Variants in SLC66A3 observed in about 807,000 individuals in gnomAD.
The protein encoded by SLC66A3 is solute carrier family 66 member 3, also known as PQ loop repeat containing 3.
In SLC66A3, 23 loss-of-function variants were observed where a neutral mutation model predicts 25.5. That is an observed-to-expected ratio of 0.90 (90% confidence interval 0.65 to 1.28). The LOEUF (loss-of-function observed/expected upper bound fraction) is 1.28. Among genes scored for constraint, SLC66A3 ranks in the 50% most tolerant of loss-of-function variants. The pLI is 0.00. For synonymous variants in SLC66A3, 108 were observed against 112.6 expected, an observed-to-expected ratio of 0.96 and a Z score of 0.26; for missense variants, 246 against 262.1, an observed-to-expected ratio of 0.94 and a Z score of 0.42.
chr2:11,172,788 C>T (rs1304519645), intron 5 of SLC66A3: 10 of 434,836 alleles, frequency 2.3e-5, no homozygotes, highest in Admixed American at 7.3e-5. Context: ...TGCAGTGATA[C>T]GATCTTCACT....
At chr2:11,163,538 G>C (rs557608573) in intron 3 of SLC66A3, among the ~76,000 whole-genome samples, 1 of 152,162 alleles carries the variant, frequency 6.6e-6, no homozygotes, top group Non-Finnish European at 1.5e-5. Context: ...TCGGTGCTAC[G>C]TGCTTGTAGG....
chr2:11,175,698 C>G (rs967361427), intron 6 of SLC66A3, among the ~76,000 whole-genome samples: 1 of 152,156 alleles, frequency 6.6e-6, no homozygotes, highest in African/African-American at 2.4e-5. Flanking sequence ...AAAGAAAAAG[C>G]TGTCATGGAG....
rs11694255 is a variant in SLC66A3 at position 11,158,173 on chromosome 2, C to T, written c.144-2293C>T. Reference sequence around the variant, plus strand: ...AACAAATGGGGCTGTGTCAGATGCCCGGCTGGCATGATTTTATTATGATAA... The same window carrying T: ...AACAAATGGGGCTGTGTCAGATGCCTGGCTGGCATGATTTTATTATGATAA... On this transcript the variant is annotated intron_variant, in intron 1 of 6. Transcript: ENST00000295083. 9.9e-3 allele frequency among the ~76,000 whole-genome samples: 1,513 copies of T among 152,272 alleles called. 15 individuals carry two copies. The highest frequency in any genetic ancestry group is 0.015 in the Non-Finnish European group (1,008 of 68,022).
At position 11,176,060 on chromosome 2, in the gene SLC66A3, C is replaced by G. The variant is rs149949462; in HGVS notation, c.517+1051C>G. Among the ~76,000 whole-genome samples the G allele has an allele frequency of 3.6e-3, 546 of 152,298 alleles. 3 individuals are homozygous for G. The highest frequency in any genetic ancestry group is 0.011 in the African/African-American group (478 of 41,566). On this transcript the variant is annotated intron_variant, in intron 6 of 6. Transcript: ENST00000295083. ...GACAGGCTTGGGTCTTTCCACAGGA[C>G]TTGAATTCTCAGCATGGAAAGGAAA... is the stretch of plus-strand genomic sequence containing the variant.
At chr2:11,156,061 A>C (rs1282601437) in intron 1 of SLC66A3, among the ~76,000 whole-genome samples, 1 of 152,162 alleles carries the variant, frequency 6.6e-6, no homozygotes, top group Non-Finnish European at 1.5e-5. Flanking sequence ...CTCACCACGC[A>C]CCGTCAACCT....
rs1662088445 is a variant in SLC66A3 at position 11,160,657 on chromosome 2, A to G, written c.259A>G (p.Asn87Asp). The G allele has an allele frequency of 1.9e-6, 3 of 1,613,956 alleles. No homozygotes were observed. Among genetic ancestry groups the G allele is most frequent in the Non-Finnish European group, 2.5e-6 (3 of 1,180,028 alleles). Residue 87 changes from asparagine (N) to aspartate (D), a missense_variant, in exon 3 of 7, where the codon AAC becomes GAC. By Grantham distance (23) the Asn-to-Asp change is conservative (BLOSUM62 1). Coordinates refer to ENST00000295083, the MANE Select transcript of SLC66A3 (RefSeq NM_152391.5). Reference sequence around the variant, plus strand: ...CCTCCTGCTCTGTATCTTTCATTTTAACGGGAACGTGAAGCAGGCCACTCC... The same window carrying G: ...CCTCCTGCTCTGTATCTTTCATTTTGACGGGAACGTGAAGCAGGCCACTCC... The part of the protein sequence containing the change: ...VILLLCIFHF[N>D]GNVKQATPYI...
intron 5 of SLC66A3, 21 bp from the exon 6 acceptor site, chr2:11,174,947 G>C: frequency 6.2e-7 from 1 of 1,603,480 alleles, no homozygotes; most frequent in Non-Finnish European, 8.5e-7. Flanking sequence ...GTTACTTATT[G>C]CTGCAAGTTT....
intron 4 of SLC66A3, among the ~76,000 whole-genome samples, chr2:11,169,460 CTCT>C (rs1297791435): frequency 1.3e-5 from 2 of 152,142 alleles, no homozygotes; most frequent in African/African-American, 2.4e-5. Flanking sequence ...GTTCTCATTC[CTCT>C]TCTTCATTCA....
intron 3 of SLC66A3, among the ~76,000 whole-genome samples, chr2:11,161,869 C>G (rs377412822): frequency 6.6e-6 from 1 of 152,206 alleles, no homozygotes; most frequent in African/African-American, 2.4e-5. Flanking sequence ...CCTGCCACAT[C>G]TGTGAAATGG....
At chr2:11,172,457 G>A (rs1315908323) in intron 5 of SLC66A3, among the ~76,000 whole-genome samples, 1 of 152,102 alleles carries the variant, frequency 6.6e-6, no homozygotes. Flanking sequence ...GGAGATTTTC[G>A]GCAGCCACAT....
At chr2:11,175,546 G>C (rs1005508612) in intron 6 of SLC66A3, among the ~76,000 whole-genome samples, 1 of 152,230 alleles carries the variant, frequency 6.6e-6, no homozygotes, top group African/African-American at 2.4e-5. Context: ...GCGGGTTTCA[G>C]GAGAGGAAGG....
chr2:11,175,022 T>C lies in SLC66A3; in HGVS notation c.517+13T>C, dbSNP rs1182828659. 6.3e-7 allele frequency: 1 copy of C among 1,589,278 alleles called. No individual in the cohort carries two copies. The highest frequency in any genetic ancestry group is 1.1e-5 in the South Asian group (1 of 87,546). On this transcript the variant is annotated intron_variant, in intron 6 of 6. Transcript: ENST00000295083. Reference sequence around the variant, plus strand: ...AATGATTTTACAAGTAAGCAAAATATCTTCTCACTTCCTTTTTGAGTTTTG... The same window carrying C: ...AATGATTTTACAAGTAAGCAAAATACCTTCTCACTTCCTTTTTGAGTTTTG...
Position 11,177,872 on chromosome 2 carries a change from C to A in SLC66A3, c.*44C>A, listed in dbSNP as rs1405602645. ...ACACAGTGGATTTTGAGTAACTGAA[C>A]CAAAGGAAAAAGAAGCTCTTTGCTA... On this transcript the variant is annotated 3_prime_UTR_variant, in exon 7 of 7. Transcript: ENST00000295083. 1.7e-6 allele frequency: 2 copies of A among 1,171,832 alleles called. No homozygotes were observed. Among genetic ancestry groups the A allele is most frequent in the Non-Finnish European group, 2.5e-6 (2 of 806,080 alleles). 72.6% of individuals were successfully genotyped at this position (1,171,832 alleles called of 1,614,324 possible). A position where few individuals can be genotyped will look rare whatever the true frequency, so the allele number is the denominator to read the frequency against.
Position 11,160,675 on chromosome 2 carries a change from G to T in SLC66A3, c.277G>T (p.Ala93Ser). 1 of 1,614,108 alleles carries T rather than the reference G, an allele frequency of 6.2e-7. No homozygotes were observed. Among genetic ancestry groups the T allele is most frequent in the Non-Finnish European group, 8.5e-7 (1 of 1,180,002 alleles). ...IFHFNGNVKQ[A>S]TPYIAVLVSS... ...TCATTTTAACGGGAACGTGAAGCAGGCCACTCCTTACATCGCTGTGTATCC... is the reference window on the plus strand; with the variant it reads ...TCATTTTAACGGGAACGTGAAGCAGTCCACTCCTTACATCGCTGTGTATCC... The change falls in exon 3 of 7, where the codon GCC becomes TCC. Residue 93 changes from alanine to serine, a missense_variant. Physicochemically the swap from Ala to Ser is moderately conservative, Grantham distance 99 (BLOSUM62 1). Coordinates refer to ENST00000295083, the MANE Select transcript of SLC66A3 (RefSeq NM_152391.5).
intron 1 of SLC66A3, among the ~76,000 whole-genome samples, chr2:11,157,393 G>A (rs1041835370): frequency 3.3e-5 from 5 of 152,212 alleles, no homozygotes; most frequent in Non-Finnish European, 7.3e-5. Context: ...TCCAAGCCAG[G>A]GCCAGGGCCA....
In SLC66A3 at chr2:11,155,520, C is replaced by A. The variant is rs534131759; in HGVS notation, c.-27C>A. 1 of 1,480,220 alleles carries A rather than the reference C, an allele frequency of 6.8e-7. No individual in the cohort carries two copies. Among genetic ancestry groups the A allele is most frequent in the Non-Finnish European group, 8.9e-7 (1 of 1,124,096 alleles). The allele number at this position is 1,480,220 out of a possible 1,614,324, so 91.7% of individuals were successfully genotyped here. On this transcript the variant is annotated 5_prime_UTR_variant, in exon 1 of 7. Transcript: ENST00000295083. ...CTGAGCGGTCCCTTCTCGCTGCGGC[C>A]GCCCAGGTGCCCGCGCCCGTGGCGC...
At chr2:11,161,531 T>A (rs966964873) in intron 3 of SLC66A3, among the ~76,000 whole-genome samples, 2 of 152,026 alleles carry the variant, frequency 1.3e-5, no homozygotes, top group African/African-American at 4.8e-5. Flanking sequence ...TTAACCTTTT[T>A]TTTAAGAGAC....
Position 11,160,617 on chromosome 2 carries a change from T to C in SLC66A3, c.227-8T>C, listed in dbSNP as rs375048109. ...CTTCCCCCCTCACTCGGAGCCTCTC[T>C]CTTTCAGATGTCATCCTCCTGCTCT... On this transcript the variant is annotated splice_region_variant and splice_polypyrimidine_tract_variant and intron_variant, in intron 2 of 6. Transcript: ENST00000295083. The C allele has an allele frequency of 3.1e-6, 5 of 1,613,984 alleles. No individual in the cohort carries two copies. The African/African-American group carries it at 4.0e-5, about 13-fold the overall frequency.
At chr2:11,158,445 G>A (rs917973058) in intron 1 of SLC66A3, among the ~76,000 whole-genome samples, 1 of 152,198 alleles carries the variant, frequency 6.6e-6, no homozygotes, top group South Asian at 2.1e-4. Context: ...GGCGGATCAC[G>A]AGGTCAGGAG....
Sources: gnomAD v4.1 joint callset for allele counts (sites outside exome capture counted in the v4.1 genomes callset) on GRCh38, gnomAD v4.1.1 for gene constraint, MANE v1.5 for transcripts, NCBI Gene and HGNC (gene_info 2026-07-23, HGNC 2026-07-21) for gene names.